The following NAV3 variants were observed in gnomAD, a reference collection of about 807,000 sequenced individuals.
NAV3 encodes pore membrane and/or filament interacting like protein 1.
Under a neutral mutation model 244.7 loss-of-function variants are expected in NAV3, and 87 were observed. That is an observed-to-expected ratio of 0.36 (90% confidence interval 0.30 to 0.42). NAV3 has a LOEUF of 0.42. Ranked by LOEUF, NAV3 falls within the 20% of genes least tolerant of loss-of-function variation. The probability of loss-of-function intolerance (pLI) is 1.00; values close to 1 mark genes in which losing one functional copy is unlikely to be tolerated. For missense variants in NAV3, 2,663 were observed against 2,893.3 expected (o/e 0.92, Z 1.83); for synonymous variants, 1,126 against 1,042.2 (o/e 1.08, Z -1.55).
chr12:77,900,314 G>T (rs1235478410), intron 1 of NAV3, among the ~76,000 whole-genome samples: 1 of 152,114 alleles, frequency 6.6e-6, no homozygotes, highest in Non-Finnish European at 1.5e-5. Context: ...CTGACCTCAT[G>T]ATCTGCCCGC....
At chr12:77,761,601 C>A (rs563098778) in intron 2 of NAV3, among the ~76,000 whole-genome samples, 7 of 152,110 alleles carry the variant, frequency 4.6e-5, no homozygotes, top group African/African-American at 1.4e-4. Flanking sequence ...ACAACCCCAT[C>A]AAAAAGTGAG....
chr12:77,979,239 AAAGTT>A (rs1345911020), intron 5 of NAV3, among the ~76,000 whole-genome samples: 1 of 151,026 alleles, frequency 6.6e-6, no homozygotes, highest in Non-Finnish European at 1.5e-5. Context: ...AAAAAAAAAA[AAAGTT>A]AGCCAGAAGT....
intron 8 of NAV3, among the ~76,000 whole-genome samples, chr12:78,021,092 A>G (rs1877075386): frequency 6.6e-6 from 1 of 152,168 alleles, no homozygotes. Context: ...TATCAAAAGT[A>G]TTCAGGACCT....
intron 1 of NAV3, among the ~76,000 whole-genome samples, chr12:77,906,526 A>G (rs1278923564): frequency 6.6e-6 from 1 of 152,114 alleles, no homozygotes; most frequent in African/African-American, 2.4e-5. Flanking sequence ...CAGTAAAGAA[A>G]AAAAAATATT....
intron 12 of NAV3, among the ~76,000 whole-genome samples, chr12:78,108,208 G>T (rs1954907381): frequency 6.6e-6 from 1 of 152,016 alleles, no homozygotes; most frequent in Non-Finnish European, 1.5e-5. Flanking sequence ...AAATAAAAAA[G>T]ACAAAGGATG....
intron 12 of NAV3, among the ~76,000 whole-genome samples, chr12:78,083,178 A>T (rs1593510467): frequency 6.6e-6 from 1 of 152,168 alleles, no homozygotes; most frequent in South Asian, 2.1e-4. Context: ...TCACATGGTG[A>T]GGGGCAGCTG....
At chr12:77,897,554 A>G (rs1884766836) in intron 1 of NAV3, among the ~76,000 whole-genome samples, 1 of 152,146 alleles carries the variant, frequency 6.6e-6, no homozygotes, top group South Asian at 2.1e-4. Context: ...AAGTAACTTC[A>G]CAGCAGTTTG....
intron 2 of NAV3, among the ~76,000 whole-genome samples, chr12:77,725,455 C>T (rs1010443971): frequency 1.3e-5 from 2 of 150,242 alleles, no homozygotes; most frequent in Non-Finnish European, 3.0e-5. Flanking sequence ...TTTCATTTAA[C>T]ATGCCTTTGC....
At chr12:77,929,142 TAA>T (rs991535903) in intron 1 of NAV3, among the ~76,000 whole-genome samples, 4 of 152,348 alleles carry the variant, frequency 2.6e-5, no homozygotes, top group African/African-American at 9.6e-5. Flanking sequence ...TGAAGACAGC[TAA>T]TCTCTTCATA....
intron 2 of NAV3, among the ~76,000 whole-genome samples, chr12:77,821,570 C>T (rs913826701): frequency 6.6e-5 from 10 of 152,128 alleles, no homozygotes; most frequent in Non-Finnish European, 1.3e-4. Flanking sequence ...CAAGTTACAA[C>T]CATTGCAAAT....
chr12:78,107,117 C>A (rs1954842861), intron 12 of NAV3, among the ~76,000 whole-genome samples: 1 of 152,142 alleles, frequency 6.6e-6, no homozygotes, highest in South Asian at 2.1e-4. Context: ...AACAGATATG[C>A]AGATAAAGCT....
chr12:77,908,779 A>G (rs1426987020), intron 1 of NAV3, among the ~76,000 whole-genome samples: 1 of 152,066 alleles, frequency 6.6e-6, no homozygotes, highest in African/African-American at 2.4e-5. Flanking sequence ...TCTGCTTTGC[A>G]TAATTTATAG....
Position 78,007,068 on chromosome 12 carries a change from C to G in NAV3, c.1530C>G (p.Ser510Arg), listed in dbSNP as rs1442921259. 3.1e-6 allele frequency: 5 copies of G among 1,614,054 alleles called. No homozygotes were observed. Among genetic ancestry groups the G allele is most frequent in the African/African-American group, 2.7e-5 (2 of 74,922 alleles). The change falls in exon 8 of 40, where the codon AGC becomes AGG. Residue 510 changes from serine (S) to arginine (R), a missense_variant. Coordinates refer to ENST00000397909, the MANE Select transcript of NAV3 (RefSeq NM_001024383.2). ...TTGCAAGCTTGATCCCTAAGGGCAG[C>G]AAGACAACAGCAGCTAAGAAGGAAA... ...SKIASLIPKG[S>R]KTTAAKKESL...
chr12:78,165,469 A>G (rs1593866809), intron 23 of NAV3, among the ~76,000 whole-genome samples: 1 of 151,918 alleles, frequency 6.6e-6, no homozygotes, highest in African/African-American at 2.4e-5. Context: ...AGTATCTTCT[A>G]TGTTTCCCTT....
chr12:77,593,919 G>A (rs1022196131), intron 2 of NAV3, among the ~76,000 whole-genome samples: 1 of 151,990 alleles, frequency 6.6e-6, no homozygotes, highest in Non-Finnish European at 1.5e-5. Context: ...TTCTACCTTT[G>A]CGATCCTAAA....
At chr12:77,956,218 T>A (rs1891344860) in intron 3 of NAV3, among the ~76,000 whole-genome samples, 1 of 152,226 alleles carries the variant, frequency 6.6e-6, no homozygotes, top group Admixed American at 6.5e-5. Flanking sequence ...AAACATCTTA[T>A]CTATTTTTTA....
At position 78,185,672 on chromosome 12, in the gene NAV3, A is replaced by C. The variant is rs745770878; in HGVS notation, c.5764A>C (p.Ile1922Leu). The C allele has an allele frequency of 1.2e-6, 2 of 1,608,342 alleles. No homozygotes were observed. Among genetic ancestry groups the C allele is most frequent in the South Asian group, 2.2e-5 (2 of 90,906 alleles). ...DGRSVKIIVS[I>L]SKGYGRAKDQ... is the part of the protein sequence containing the mutation. Reference sequence around the variant, plus strand: ...CCGCAGTGTGAAAATTATAGTCTCCATAAGCAAGGGCTATGGTCGAGCAAA... The same window carrying C: ...CCGCAGTGTGAAAATTATAGTCTCCCTAAGCAAGGGCTATGGTCGAGCAAA... The change falls in exon 31 of 40, where the codon ATA becomes CTA. Residue 1922 changes from isoleucine (I) to leucine (L), a missense_variant. Ile to Leu is a conservative substitution (Grantham distance 5, BLOSUM62 2). Around this residue, in one of 6 missense-constraint regions of NAV3, gnomAD observed 543 missense variants for 672.4 expected, o/e 0.81. Transcript: ENST00000397909.
intron 3 of NAV3, among the ~76,000 whole-genome samples, chr12:77,960,194 A>C (rs1891758869): frequency 6.6e-6 from 1 of 151,996 alleles, no homozygotes; most frequent in Non-Finnish European, 1.5e-5. Flanking sequence ...AAGTCAGCTC[A>C]TCAGGGTCAA....
chr12:77,924,966 G>T (rs918344752), intron 1 of NAV3, among the ~76,000 whole-genome samples: 2 of 151,574 alleles, frequency 1.3e-5, no homozygotes, highest in African/African-American at 4.9e-5. Context: ...TGAAAGACAA[G>T]ACTCAAGATC....
Sources: allele counts gnomAD v4.1 joint callset (sites outside exome capture counted in the v4.1 genomes callset), GRCh38; gene constraint gnomAD v4.1.1; regional missense constraint gnomAD v4.1.1; transcripts MANE v1.5; gene names NCBI Gene and HGNC (gene_info 2026-07-23, HGNC 2026-07-21).